UBXN7: variants seen among roughly 807,000 people sequenced by gnomAD.
UBXN7 encodes UBX domain-containing protein 7.
In UBXN7, 9 loss-of-function variants were observed where a neutral mutation model predicts 58.0. The observed-to-expected ratio is 0.16, with a 90% CI of 0.09 to 0.27. The LOEUF (loss-of-function observed/expected upper bound fraction) is 0.27. Among genes scored for constraint, UBXN7 ranks in the 10% least tolerant of loss-of-function variants. UBXN7 has a pLI of 1.00. For missense variants in UBXN7, 328 were observed against 599.6 expected, an observed-to-expected ratio of 0.55 and a Z score of 4.73; for synonymous variants, 208 against 205.0, an observed-to-expected ratio of 1.01 and a Z score of -0.12.
chr3:196,423,174 C>G (rs1730740076), intron 1 of UBXN7: 1 of 152,884 alleles, frequency 6.5e-6, no homozygotes, highest in African/African-American at 2.4e-5. Flanking sequence ...ACCACCTGGT[C>G]TGGGGATCAT....
rs187531198 is a variant in UBXN7 at position 196,371,842 on chromosome 3, C to T, written c.615+54G>A. 28 of 1,577,324 alleles carry T rather than the reference C, an allele frequency of 1.8e-5. No individual in the cohort carries two copies. In the African/African-American group the frequency reaches 2.3e-4, roughly 13 times the overall value. On this transcript the variant is annotated intron_variant, in intron 6 of 10. Transcript: ENST00000296328. ...TAACCCAATTCCTTTCCCTCAACAA[C>T]CCACACTACAAAAGTAAAATTCTAC... is the stretch of plus-strand genomic sequence containing the variant.
chr3:196,420,349 G>C (rs935089764), intron 1 of UBXN7, among the ~76,000 whole-genome samples: 1 of 151,858 alleles, frequency 6.6e-6, no homozygotes, highest in Non-Finnish European at 1.5e-5. Context: ...CTAACACCGC[G>C]AAACCCCGTC....
chr3:196,362,597 T>G lies in UBXN7; in HGVS notation c.925A>C (p.Lys309Gln), dbSNP rs1406918824. The G allele has an allele frequency of 1.9e-6, 3 of 1,614,068 alleles. No homozygotes were observed. The Admixed American group carries it at 5.0e-5, about 27-fold the overall frequency. ...TCTTCATCTGAGCGGCTATCCTGTT[T>G]TGTCTGTGTTGAATCAAAATGTGTT... is the stretch of plus-strand genomic sequence containing the variant. ...QETHFDSTQT[K>Q]QDSRSDEESE... The change falls in exon 9 of 11, where the codon AAA becomes CAA. Residue 309 changes from lysine (K) to glutamine (Q), a missense_variant. Physicochemically the swap from Lys to Gln is moderately conservative, Grantham distance 53. Transcript: ENST00000296328.
chr3:196,408,746 C>A (rs921544406), intron 1 of UBXN7, among the ~76,000 whole-genome samples: 28 of 152,210 alleles, frequency 1.8e-4, no homozygotes, highest in Admixed American at 1.2e-3. Context: ...CCAATGTCCT[C>A]TGGCTTCTGT....
Position 196,356,682 on chromosome 3 carries a change from G to C in UBXN7, c.*3C>G. On this transcript the variant is annotated 3_prime_UTR_variant, in exon 11 of 11. Coordinates refer to ENST00000296328, the MANE Select transcript of UBXN7 (RefSeq NM_015562.2). The stretch of plus-strand genomic sequence containing the variant: ...GTAAGCTGAGAGAGGTCAAGCCATG[G>C]TGTTAATTTCTTTCCTGTACAAAGA... 6.3e-7 allele frequency: 1 copy of C among 1,595,364 alleles called. No individual in the cohort carries two copies. The highest frequency in any genetic ancestry group is 8.5e-7 in the Non-Finnish European group (1 of 1,175,450).
intron 6 of UBXN7, among the ~76,000 whole-genome samples, 187 bp downstream of exon 6, chr3:196,371,709 C>T (rs1262444033): frequency 6.6e-6 from 1 of 152,168 alleles, no homozygotes; most frequent in Non-Finnish European, 1.5e-5. Context: ...TCTCAAACTC[C>T]TGACCTCAGG....
intron 5 of UBXN7, among the ~76,000 whole-genome samples, chr3:196,381,718 T>C (rs1729212125): frequency 6.6e-6 from 1 of 152,178 alleles, no homozygotes; most frequent in African/African-American, 2.4e-5. Context: ...TTCGAACCCA[T>C]CGCAAGGAAG....
chr3:196,407,825 C>T (rs767033304), intron 1 of UBXN7, among the ~76,000 whole-genome samples: 9 of 152,148 alleles, frequency 5.9e-5, no homozygotes, highest in Non-Finnish European at 1.2e-4. Context: ...TCAGGCTGGG[C>T]GCAGTGGCTC....
chr3:196,371,489 T>C (rs1398217748), intron 6 of UBXN7, among the ~76,000 whole-genome samples: 1 of 152,178 alleles, frequency 6.6e-6, no homozygotes, highest in Non-Finnish European at 1.5e-5. Context: ...TTTGTTTGTT[T>C]TGTTTTGTTT....
intron 10 of UBXN7, among the ~76,000 whole-genome samples, chr3:196,360,503 G>A (rs1728478588): frequency 6.6e-6 from 1 of 152,074 alleles, no homozygotes; most frequent in South Asian, 2.1e-4. Context: ...ACAAAACCTG[G>A]AAAGACAGCA....
intron 1 of UBXN7, among the ~76,000 whole-genome samples, chr3:196,408,400 TAAA>T (rs1730226577): frequency 6.6e-6 from 1 of 152,098 alleles, no homozygotes; most frequent in African/African-American, 2.4e-5. Flanking sequence ...CAAAAGAAAA[TAAA>T]ATCTACATAA....
intron 3 of UBXN7, among the ~76,000 whole-genome samples, chr3:196,401,983 T>C: frequency 6.6e-6 from 1 of 151,900 alleles, no homozygotes; most frequent in Non-Finnish European, 1.5e-5. Context: ...AAATAAAAGT[T>C]GGAGGGAAAA....
rs375653732 is a variant in UBXN7 at position 196,356,777 on chromosome 3, G to T, written c.1378C>A (p.Arg460=). Residue 460 remains arginine, a synonymous_variant, in exon 11 of 11, where the codon CGA becomes AGA. Coordinates refer to ENST00000296328, the MANE Select transcript of UBXN7 (RefSeq NM_015562.2). ...ERFELLTNFP[R]RKLSHLDYDI... ...TAGTCCAGATGAGATAATTTCCTTC[G>T]AGGAAAGTTGGTGAGAAGTTCAAAA... 3.1e-6 allele frequency: 5 copies of T among 1,613,912 alleles called. No homozygotes were observed. The highest frequency in any genetic ancestry group is 3.4e-6 in the Non-Finnish European group (4 of 1,179,976).
At chr3:196,391,320 A>G (rs1022581715) in intron 5 of UBXN7, among the ~76,000 whole-genome samples, 10 of 152,326 alleles carry the variant, frequency 6.6e-5, no homozygotes, top group African/African-American at 2.4e-4. Flanking sequence ...TATATTTCAT[A>G]TATTGCTGGT....
intron 8 of UBXN7, among the ~76,000 whole-genome samples, chr3:196,362,917 T>C (rs1202414349): frequency 1.3e-5 from 2 of 152,030 alleles, no homozygotes; most frequent in Non-Finnish European, 2.9e-5. Flanking sequence ...TTTGTTTTGT[T>C]TTTGAGATGG....
At chr3:196,392,503 T>C (rs183601316) in intron 4 of UBXN7, among the ~76,000 whole-genome samples, 75 of 147,108 alleles carry the variant, frequency 5.1e-4, no homozygotes, top group Middle Eastern at 7.1e-3. Flanking sequence ...TGAGACTCCA[T>C]CTCAAAAAAA....
At chr3:196,369,722 T>C (rs1315176910) in intron 6 of UBXN7, among the ~76,000 whole-genome samples, 1 of 152,228 alleles carries the variant, frequency 6.6e-6, no homozygotes, top group Non-Finnish European at 1.5e-5. Flanking sequence ...ATAAACATAT[T>C]GACCCATTCC....
At chr3:196,422,365 C>T (rs1730716226) in intron 1 of UBXN7, among the ~76,000 whole-genome samples, 1 of 151,816 alleles carries the variant, frequency 6.6e-6, no homozygotes, top group South Asian at 2.1e-4. Context: ...CCTGTAGTCC[C>T]AGCTACTCAG....
intron 1 of UBXN7, among the ~76,000 whole-genome samples, chr3:196,427,489 T>C (rs1357854071): frequency 2.0e-5 from 3 of 152,174 alleles, no homozygotes; most frequent in African/African-American, 7.2e-5. Context: ...AGCTAATTTT[T>C]GTATTTTTCG....
Sources: gnomAD v4.1 joint callset for allele counts (sites outside exome capture counted in the v4.1 genomes callset) on GRCh38, gnomAD v4.1.1 for gene constraint, MANE v1.5 for transcripts, NCBI Gene and HGNC (gene_info 2026-07-23, HGNC 2026-07-21) for gene names.